KLHL13: variants seen among roughly 807,000 people sequenced by gnomAD.
KLHL13 encodes kelch-like protein 13.
A neutral mutation model predicts 37.1 loss-of-function variants in KLHL13; 10 were observed. The ratio of observed to expected loss-of-function variants is 0.27; its 90% CI spans 0.17 to 0.46. KLHL13 has a LOEUF of 0.46. Among genes scored for constraint, KLHL13 ranks in the 20% least tolerant of loss-of-function variants. The pLI is 1.00. For missense variants in KLHL13, 360 were observed against 509.3 expected (o/e 0.71, Z 2.82); for synonymous variants, 163 against 181.2 (o/e 0.90, Z 0.81).
rs769653793 is a variant in KLHL13, at chrX:118,004,433, G to T, written c.-55-58858C>A. 2.7e-5 allele frequency among the ~76,000 whole-genome samples: 3 copies of T among 111,535 alleles called. No individual in the cohort carries two copies. The South Asian group carries it at 1.1e-3, about 42-fold the overall frequency. On this transcript the variant is annotated intron_variant, in intron 1 of 6. Coordinates refer to the KLHL13 transcript ENST00000371882. ...CATGATGCCTGATTCCAGAGCTAAT[G>T]CAGAGAAAGTACAAGATGAACTGGA...
At chrX:118,022,711 T>C (rs1036430191) in intron 1 of KLHL13, among the ~76,000 whole-genome samples, 2 of 112,362 alleles carry the variant, frequency 1.8e-5, no homozygotes, top group South Asian at 7.3e-4. Flanking sequence ...TTCTACTGAG[T>C]TATGTAAGTT....
intron 1 of KLHL13, among the ~76,000 whole-genome samples, chrX:118,015,392 A>G (rs2054116758): frequency 9.0e-6 from 1 of 111,678 alleles, no homozygotes; most frequent in East Asian, 2.8e-4. Flanking sequence ...AGTCCAAACA[A>G]ACAAACAAAA....
At chrX:118,037,112 G>A (rs1355492249) in intron 1 of KLHL13, among the ~76,000 whole-genome samples, 1 of 91,021 alleles carries the variant, frequency 1.1e-5, no homozygotes, top group African/African-American at 4.1e-5. Context: ...TGGAGAGGAT[G>A]TGGAGAAATA....
chrX:118,036,294 C>T (rs1406282860), intron 1 of KLHL13, among the ~76,000 whole-genome samples: 13 of 111,966 alleles, frequency 1.2e-4, no homozygotes, highest in Admixed American at 9.4e-4. Context: ...AAGGCAATCC[C>T]AAGCCAAAAG....
chrX:118,039,989 A>C (rs972984267), intron 1 of KLHL13, among the ~76,000 whole-genome samples: 6 of 111,554 alleles, frequency 5.4e-5, no homozygotes, highest in African/African-American at 2.0e-4. Context: ...TAGCAAAAAC[A>C]ACCAAGGCAG....
intron 1 of KLHL13, among the ~76,000 whole-genome samples, chrX:117,948,942 C>A (rs1415310892): frequency 8.9e-6 from 1 of 112,031 alleles, no homozygotes; most frequent in Non-Finnish European, 1.9e-5. Flanking sequence ...TTTCTCTGCA[C>A]TGCATTTAAA....
chrX:118,032,996 G>A lies in KLHL13; in HGVS notation c.-56+83512C>T, dbSNP rs560609604. Among the ~76,000 whole-genome samples the A allele has an allele frequency of 2.5e-4, 28 of 111,103 alleles. No individual in the cohort carries two copies. In the South Asian group the frequency reaches 6.1e-3, roughly 24 times the overall value. On this transcript the variant is annotated intron_variant, in intron 1 of 6. Transcript: ENST00000371882. ...AAATGGAAGAAAGGGTATCAGCGAC[G>A]GAAGATGAAATGAATGAAATGAAGT...
intron 1 of KLHL13, among the ~76,000 whole-genome samples, chrX:117,987,806 C>G (rs765918821): frequency 2.7e-5 from 3 of 112,116 alleles, no homozygotes; most frequent in Non-Finnish European, 5.7e-5. Context: ...AAGCTGTCTA[C>G]ACCTTCCTTC....
chrX:117,977,681 T>C (rs1010425156), upstream of KLHL13, among the ~76,000 whole-genome samples: 10 of 112,219 alleles, frequency 8.9e-5, no homozygotes, highest in African/African-American at 2.9e-4. Flanking sequence ...TTCACAATGC[T>C]TAGACAAGAC....
At chrX:117,910,133 C>G (rs1214126590) in intron 4 of KLHL13, 37 bp from the exon 6 acceptor site, 1 of 991,592 alleles carries the variant, frequency 1.0e-6, no homozygotes, top group East Asian at 3.0e-5. Context: ...AACATGACTA[C>G]TTTCATGGCA....
In KLHL13 at chrX:118,042,656, T is replaced by C. The variant is rs907009238; in HGVS notation, c.-56+73852A>G. 3.2e-4 allele frequency among the ~76,000 whole-genome samples: 36 copies of C among 111,454 alleles called. No homozygotes were observed. In the Admixed American group the frequency reaches 3.3e-3, roughly 10 times the overall value. The stretch of plus-strand genomic sequence containing the variant: ...AGCTGTTCTCTCACAGCAGATTTTA[T>C]AAAAAGAAATTAAGAAGGAAATTCA... On this transcript the variant is annotated intron_variant, in intron 1 of 6. Transcript: ENST00000371882.
At chrX:117,935,697 C>A (rs753578382) in intron 2 of KLHL13, among the ~76,000 whole-genome samples, 1 of 110,869 alleles carries the variant, frequency 9.0e-6, no homozygotes, top group African/African-American at 3.3e-5. Flanking sequence ...CTCACTATCA[C>A]GAGAACAGCA....
chrX:118,046,587 T>C (rs751707469), intron 1 of KLHL13, among the ~76,000 whole-genome samples: 1 of 112,176 alleles, frequency 8.9e-6, no homozygotes, highest in Non-Finnish European at 1.9e-5. Flanking sequence ...CTTGAGGGGA[T>C]GGACACCCCA....
chrX:117,960,062 A>G (rs1366478302), intron 1 of KLHL13, among the ~76,000 whole-genome samples: 1 of 110,721 alleles, frequency 9.0e-6, no homozygotes, highest in Non-Finnish European at 1.9e-5. Context: ...AATATTTTCA[A>G]TCTAAACCTT....
intron 1 of KLHL13, among the ~76,000 whole-genome samples, chrX:117,967,940 TA>T (rs902028750): frequency 5.4e-5 from 6 of 110,625 alleles, no homozygotes; most frequent in Non-Finnish European, 1.1e-4. Flanking sequence ...ATCCTATAAT[TA>T]AAAAAAATAA....
Position 118,033,293 on chromosome X carries a change from C to G in KLHL13, c.-56+83215G>C, listed in dbSNP as rs76487496. 7.0e-3 allele frequency among the ~76,000 whole-genome samples: 778 copies of G among 111,043 alleles called. 11 individuals are homozygous for G. Among genetic ancestry groups the G allele is most frequent in the African/African-American group, 0.024 (731 of 30,499 alleles). On this transcript the variant is annotated intron_variant, in intron 1 of 6. Coordinates refer to the KLHL13 transcript ENST00000371882. Reference sequence around the variant, plus strand: ...GCAACTCTAAGACACATAATTGTCACATTCACCAAAGTTGAAATGAAGGAA... The same window carrying G: ...GCAACTCTAAGACACATAATTGTCAGATTCACCAAAGTTGAAATGAAGGAA...
At chrX:118,041,008 G>A (rs2054501375) in intron 1 of KLHL13, among the ~76,000 whole-genome samples, 1 of 111,634 alleles carries the variant, frequency 9.0e-6, no homozygotes, top group South Asian at 3.7e-4. Flanking sequence ...GACCTTCCTT[G>A]ACAAACAAAA....
intron 1 of KLHL13, among the ~76,000 whole-genome samples, chrX:118,069,111 A>T (rs1304175363): frequency 1.2e-5 from 1 of 86,599 alleles, no homozygotes; most frequent in South Asian, 4.9e-4. Flanking sequence ...CAGAAGAGTC[A>T]CACACACACA....
At chrX:118,093,267 C>T (rs925809077) in intron 1 of KLHL13, among the ~76,000 whole-genome samples, 1 of 111,898 alleles carries the variant, frequency 8.9e-6, no homozygotes, top group African/African-American at 3.2e-5. Flanking sequence ...CCAGATAATA[C>T]TAGTTATATA....
Sources: gnomAD v4.1 joint callset for allele counts (sites outside exome capture counted in the v4.1 genomes callset) on GRCh38, gnomAD v4.1.1 for gene constraint, MANE v1.5 for transcripts, NCBI Gene and HGNC (gene_info 2026-07-23, HGNC 2026-07-21) for gene names.